Variants in OR2L13 observed in about 807,000 individuals in gnomAD.
OR2L13 encodes the protein olfactory receptor 2L13.
OR2L13 carries 14 observed loss-of-function variants against 15.3 expected under a neutral mutation model. The observed-to-expected ratio is 0.91, with a 90% CI of 0.60 to 1.43. The LOEUF (loss-of-function observed/expected upper bound fraction) is 1.43. Ranked by LOEUF, OR2L13 falls within the 40% of genes most tolerant of loss-of-function variation. The probability of loss-of-function intolerance (pLI) is 0.00; values close to 1 mark genes in which losing one functional copy is unlikely to be tolerated. For synonymous variants in OR2L13, 152 were observed against 142.9 expected (o/e 1.06, Z -0.45); for missense variants, 367 against 387.9 (o/e 0.95, Z 0.45).
the OR2L13 span, among the ~76,000 whole-genome samples, chr1:248,056,765 G>A: frequency 0.99 from 150,037 of 151,294 alleles, 74,411 homozygotes; most frequent in Middle Eastern, 1. Flanking sequence ...CTCCTGCCTC[G>A]GCCTCTTGAG....
At chr1:247,984,939 G>A in the OR2L13 span, among the ~76,000 whole-genome samples, 1 of 152,030 alleles carries the variant, frequency 6.6e-6, no homozygotes, top group African/African-American at 2.4e-5. Context: ...CTGTCTCTAT[G>A]AATTTGACTA....
At chr1:247,972,358 A>G in the OR2L13 span, among the ~76,000 whole-genome samples, 127,592 of 151,092 alleles carry the variant, frequency 0.84, 55,329 homozygotes, top group South Asian at 0.97. Flanking sequence ...GATTAACAAA[A>G]TAGACAACTA....
the OR2L13 span, among the ~76,000 whole-genome samples, chr1:248,065,840 CAT>C: frequency 0.027 from 4,055 of 152,068 alleles, 165 homozygotes; most frequent in African/African-American, 0.09. Context: ...GAGCTGAAAA[CAT>C]GTGAGAAATT....
the OR2L13 span, chr1:248,060,871 C>T: frequency 6.2e-7 from 1 of 1,613,916 alleles, no homozygotes. Context: ...CCTACTTAGT[C>T]AGCTCTCCCT....
chr1:248,076,697 C>A, the OR2L13 span, among the ~76,000 whole-genome samples: 2 of 152,254 alleles, frequency 1.3e-5, no homozygotes, highest in South Asian at 4.1e-4. Flanking sequence ...GATTTTGTAT[C>A]CTGAGACTTT....
At chr1:248,060,724 G>C in the OR2L13 span, 1 of 1,613,772 alleles carries the variant, frequency 6.2e-7, no homozygotes, top group Non-Finnish European at 8.5e-7. Context: ...CATCTTATTA[G>C]GATTCTTCCC....
chr1:248,054,368 T>C, the OR2L13 span, among the ~76,000 whole-genome samples: 2 of 152,324 alleles, frequency 1.3e-5, no homozygotes, highest in South Asian at 2.1e-4. Flanking sequence ...AGCTTTGTAG[T>C]ATAGTTTGCA....
chr1:247,963,554 T>A, the OR2L13 span, among the ~76,000 whole-genome samples: 9 of 152,218 alleles, frequency 5.9e-5, no homozygotes, highest in Non-Finnish European at 1.2e-4. Context: ...AAAACATACA[T>A]GCTTGGGTTG....
chr1:247,989,029 G>C, the OR2L13 span, among the ~76,000 whole-genome samples: 2 of 152,112 alleles, frequency 1.3e-5, no homozygotes, highest in Non-Finnish European at 2.9e-5. Flanking sequence ...AGCGTGAACA[G>C]AGACATGGAA....
chr1:248,053,191 G>A, the OR2L13 span, among the ~76,000 whole-genome samples: 9 of 152,234 alleles, frequency 5.9e-5, no homozygotes, highest in Admixed American at 2.6e-4. Flanking sequence ...ACTTATAAGC[G>A]AGAATATGCA....
At chr1:248,000,728 A>G in the OR2L13 span, among the ~76,000 whole-genome samples, 2 of 152,134 alleles carry the variant, frequency 1.3e-5, no homozygotes, top group African/African-American at 4.8e-5. Flanking sequence ...TCTTTCATTT[A>G]GAGTTTCTGA....
At chr1:248,097,100 T>G (rs1403012772), upstream of OR2L13, among the ~76,000 whole-genome samples, 1 of 152,226 alleles carries the variant, frequency 6.6e-6, no homozygotes, top group Admixed American at 6.5e-5. Flanking sequence ...GACTTGCTGA[T>G]AAATAACTTT....
At chr1:247,992,340 A>G in the OR2L13 span, among the ~76,000 whole-genome samples, 7 of 152,350 alleles carry the variant, frequency 4.6e-5, no homozygotes, top group Admixed American at 4.6e-4. Flanking sequence ...ACAGTAGGCT[A>G]TCATTAGTTA....
At chr1:248,051,388 C>A in the OR2L13 span, 1 of 152,224 alleles carries the variant, frequency 6.6e-6, no homozygotes, top group Non-Finnish European at 1.5e-5. Context: ...ATATTGATTT[C>A]TTTGTTGATG....
At chr1:247,981,878 TGATCTCAGCTCACAGCA>T in the OR2L13 span, among the ~76,000 whole-genome samples, 1 of 151,412 alleles carries the variant, frequency 6.6e-6, no homozygotes, top group Non-Finnish European at 1.5e-5. Flanking sequence ...TGCAGTGGTG[TGATCTCAGCTCACAGCA>T]AGCTCCGCCT....
exon 3 of OR2L13, chr1:248,100,174 C>T (rs1196447998): frequency 6.2e-7 from 1 of 1,614,022 alleles, no homozygotes; most frequent in Non-Finnish European, 8.5e-7. Flanking sequence ...TCTCCGCTCA[C>T]CAGCTGAAGA....
At chr1:247,983,174 A>G in the OR2L13 span, among the ~76,000 whole-genome samples, 1 of 152,182 alleles carries the variant, frequency 6.6e-6, no homozygotes, top group African/African-American at 2.4e-5. Flanking sequence ...CAATTTCATC[A>G]TCTATAAAAC....
At chr1:248,001,992 A>G in the OR2L13 span, among the ~76,000 whole-genome samples, 2 of 152,298 alleles carry the variant, frequency 1.3e-5, no homozygotes, top group Admixed American at 6.5e-5. Flanking sequence ...TGTTCTACTT[A>G]CCAATAATTA....
the OR2L13 span, among the ~76,000 whole-genome samples, chr1:247,978,328 T>C: frequency 0.27 from 40,805 of 152,084 alleles, 9,433 homozygotes; most frequent in African/African-American, 0.63. Context: ...ACTCAATGGG[T>C]AATTGAACCC....
Sources: gnomAD v4.1 joint callset for allele counts (sites outside exome capture counted in the v4.1 genomes callset) on GRCh38, gnomAD v4.1.1 for gene constraint, MANE v1.5 for transcripts, NCBI Gene and HGNC (gene_info 2026-07-23, HGNC 2026-07-21) for gene names.